The following DTNB variants were observed in gnomAD, a reference collection of about 807,000 sequenced individuals.
DTNB encodes the protein dystrobrevin beta, also known as DTN-B.
DTNB carries 63 observed loss-of-function variants against 90.7 expected under a neutral mutation model. That is an observed-to-expected ratio of 0.69 (90% CI 0.57 to 0.86). DTNB has a LOEUF of 0.86. Among genes scored for constraint, DTNB ranks in the 40% least tolerant of loss-of-function variants. DTNB has a pLI of 0.00. For synonymous variants in DTNB, 277 were observed against 286.7 expected, an observed-to-expected ratio of 0.97 and a Z score of 0.34; for missense variants, 744 against 807.1, an observed-to-expected ratio of 0.92 and a Z score of 0.95.
At chr2:25,606,444 T>C (rs1312301102) in intron 5 of DTNB, among the ~76,000 whole-genome samples, 2 of 152,230 alleles carry the variant, frequency 1.3e-5, no homozygotes, top group Non-Finnish European at 2.9e-5. Flanking sequence ...CTCTGACATC[T>C]GAGTTAAAAC....
At position 25,628,271 on chromosome 2, in the gene DTNB, T is replaced by C. The variant is rs1266792751; in HGVS notation, c.262A>G (p.Ile88Val). The stretch of plus-strand genomic sequence containing the variant: ...AGGCGCTTGTTCAACTGATAGTAGA[T>C]GGAGGAGATGACAGTTTCGAGGCGG... The part of the protein sequence containing the change: ...VSRLETVISS[I>V]YYQLNKRLPS... Residue 88 changes from isoleucine to valine, a missense_variant, in exon 4 of 21, where the codon ATC (isoleucine) becomes GTC (valine). Physicochemically the swap from Ile to Val is conservative, Grantham distance 29 (BLOSUM62 3). Coordinates refer to ENST00000406818, the MANE Select transcript of DTNB (RefSeq NM_021907.5). The C allele has an allele frequency of 5.0e-6, 8 of 1,612,918 alleles. No homozygotes were observed. Among genetic ancestry groups the C allele is most frequent in the Non-Finnish European group, 6.8e-6 (8 of 1,179,730 alleles).
intron 8 of DTNB, among the ~76,000 whole-genome samples, chr2:25,562,502 TA>T (rs1246899843): frequency 6.6e-6 from 1 of 152,234 alleles, no homozygotes; most frequent in Non-Finnish European, 1.5e-5. Flanking sequence ...AAGAAACTGT[TA>T]AACTGTTTTC....
intron 16 of DTNB, among the ~76,000 whole-genome samples, chr2:25,398,521 T>C (rs1170265813): frequency 1.3e-5 from 2 of 152,186 alleles, no homozygotes; most frequent in African/African-American, 4.8e-5. Flanking sequence ...CCAATATGCA[T>C]GGGCTTTCGC....
In DTNB at chr2:25,459,351, G is replaced by A. The variant is rs567874998; in HGVS notation, c.1080-3857C>T. 7.2e-5 allele frequency among the ~76,000 whole-genome samples: 11 copies of A among 152,008 alleles called. No homozygotes were observed. The East Asian group carries it at 1.9e-3, about 27-fold the overall frequency. Reference sequence around the variant, plus strand: ...TCCACTCTGGGTAATTAGTATTACCGTGTCTTTAAGTTCAGTGTAAGTCCA... The same window carrying A: ...TCCACTCTGGGTAATTAGTATTACCATGTCTTTAAGTTCAGTGTAAGTCCA... On this transcript the variant is annotated intron_variant, in intron 10 of 20. Transcript: ENST00000406818.
At chr2:25,415,474 T>C (rs565627120) in intron 16 of DTNB, among the ~76,000 whole-genome samples, 2 of 152,214 alleles carry the variant, frequency 1.3e-5, no homozygotes, top group East Asian at 3.9e-4. Context: ...CCAGAGTTTC[T>C]AAAACCCGTG....
intron 10 of DTNB, among the ~76,000 whole-genome samples, chr2:25,465,185 G>C (rs939100461): frequency 6.6e-6 from 1 of 152,048 alleles, no homozygotes; most frequent in Admixed American, 6.6e-5. Flanking sequence ...GACCATCCTG[G>C]CTAACACAGT....
At chr2:25,422,649 C>T (rs887022741) in intron 15 of DTNB, among the ~76,000 whole-genome samples, 7 of 151,978 alleles carry the variant, frequency 4.6e-5, no homozygotes, top group East Asian at 1.9e-4. Context: ...CCACCTGCCT[C>T]GGCCTCCCAA....
chr2:25,587,025 C>A (rs1047527897), intron 6 of DTNB, among the ~76,000 whole-genome samples: 4 of 152,106 alleles, frequency 2.6e-5, no homozygotes, highest in African/African-American at 4.8e-5. Context: ...CAGTGCAACC[C>A]CATGGCCCTG....
At chr2:25,469,034 G>A (rs1183740363) in intron 10 of DTNB, among the ~76,000 whole-genome samples, 1 of 152,168 alleles carries the variant, frequency 6.6e-6, no homozygotes, top group Non-Finnish European at 1.5e-5. Context: ...GAACTACGGT[G>A]ATAAACAAAT....
intron 2 of DTNB, chr2:25,650,352 T>C (rs533681400): frequency 3.7e-6 from 2 of 538,886 alleles, no homozygotes; most frequent in African/African-American, 4.1e-5. Flanking sequence ...GCATAGCAGA[T>C]CCTCAATAAA....
chr2:25,543,872 C>A, intron 8 of DTNB, among the ~76,000 whole-genome samples: 1 of 152,156 alleles, frequency 6.6e-6, no homozygotes, highest in African/African-American at 2.4e-5. Context: ...CTGTCAGGGA[C>A]TTAATGGGTG....
chr2:25,583,353 G>A (rs1022092382), intron 6 of DTNB, among the ~76,000 whole-genome samples: 1 of 150,406 alleles, frequency 6.6e-6, no homozygotes, highest in African/African-American at 2.4e-5. Flanking sequence ...CTAGTAAAAA[G>A]TAGCGAACAA....
At chr2:25,527,436 T>A (rs369121297) in intron 9 of DTNB, among the ~76,000 whole-genome samples, 112 of 151,794 alleles carry the variant, frequency 7.4e-4, no homozygotes, top group African/African-American at 2.5e-3. Flanking sequence ...GGCAGAAGAA[T>A]CACTTGAACC....
intron 9 of DTNB, among the ~76,000 whole-genome samples, chr2:25,516,894 A>G (rs1446329709): frequency 6.6e-6 from 1 of 151,280 alleles, no homozygotes; most frequent in Non-Finnish European, 1.5e-5. Flanking sequence ...CCTGTATCCA[A>G]AAAAAAAATA....
At chr2:25,420,400 C>T (rs957160667) in intron 15 of DTNB, among the ~76,000 whole-genome samples, 4 of 101,666 alleles carry the variant, frequency 3.9e-5, no homozygotes, top group Non-Finnish European at 1.0e-4. Flanking sequence ...TAATTCAATA[C>T]AGGTTTATTT....
chr2:25,545,353 TAG>T (rs1419597089), intron 8 of DTNB, among the ~76,000 whole-genome samples: 1 of 152,216 alleles, frequency 6.6e-6, no homozygotes, highest in Non-Finnish European at 1.5e-5. Context: ...TCCCTCACAG[TAG>T]ATTGTTTTGT....
chr2:25,452,023 A>C (rs2059363767), intron 11 of DTNB, among the ~76,000 whole-genome samples: 1 of 152,246 alleles, frequency 6.6e-6, no homozygotes, highest in Non-Finnish European at 1.5e-5. Flanking sequence ...ATCATGAAAA[A>C]CAGAGGGCTG....
intron 2 of DTNB, chr2:25,650,016 A>G (rs1271741432): frequency 2.0e-6 from 2 of 985,270 alleles, no homozygotes; most frequent in African/African-American, 3.5e-5. Context: ...AAGAAGTCAT[A>G]CTTACCAAAC....
At chr2:25,440,146 G>A (rs911512465) in intron 12 of DTNB, among the ~76,000 whole-genome samples, 1 of 152,206 alleles carries the variant, frequency 6.6e-6, no homozygotes, top group African/African-American at 2.4e-5. Flanking sequence ...TCTACTTAGT[G>A]AGCATAGCAG....
Sources: gnomAD v4.1 joint callset for allele counts (sites outside exome capture counted in the v4.1 genomes callset) on GRCh38, gnomAD v4.1.1 for gene constraint, MANE v1.5 for transcripts, NCBI Gene and HGNC (gene_info 2026-07-23, HGNC 2026-07-21) for gene names.